SLC1A4: variants seen among roughly 807,000 people sequenced by gnomAD.
SLC1A4 encodes solute carrier family 1 member 4.
In SLC1A4, 19 loss-of-function variants were observed where a neutral mutation model predicts 37.7. The observed-to-expected ratio is 0.50, with a 90% CI of 0.35 to 0.74. The LOEUF is 0.74. Among genes scored for constraint, SLC1A4 ranks in the 30% least tolerant of loss-of-function variants. The pLI is 0.01. For missense variants in SLC1A4, 570 were observed against 712.9 expected (o/e 0.80, Z 2.28); for synonymous variants, 299 against 309.8 (o/e 0.97, Z 0.37).
intron 1 of SLC1A4, among the ~76,000 whole-genome samples, chr2:64,995,891 C>T (rs753922967): frequency 6.6e-6 from 1 of 152,166 alleles, no homozygotes; most frequent in Non-Finnish European, 1.5e-5. Context: ...CAAACAGTAT[C>T]AGATGTTACA....
At chr2:64,994,066 C>G (rs1043985015) in intron 1 of SLC1A4, among the ~76,000 whole-genome samples, 1 of 152,134 alleles carries the variant, frequency 6.6e-6, no homozygotes, top group Admixed American at 6.5e-5. Context: ...GTATTGGGAA[C>G]CACATGGCAT....
rs1047056891 is a variant in SLC1A4 at position 65,018,444 on chromosome 2, G to A, written c.1230-101G>A. ...TAGCCAGCAGAGCCTATGGTGGGGC[G>A]GTTTTTAGTTTCCAGCCACATTGCA... On this transcript the variant is annotated intron_variant, in intron 6 of 7. Coordinates refer to ENST00000234256, the MANE Select transcript of SLC1A4 (RefSeq NM_003038.5). The surrounding 1 kb of genome is among the most constrained non-coding windows in gnomAD (Gnocchi z 4.3). The A allele has an allele frequency of 9.2e-6, 14 of 1,517,256 alleles. No individual in the cohort carries two copies. The highest frequency in any genetic ancestry group is 2.5e-5 in the South Asian group (2 of 80,194). The allele number at this position is 1,517,256 out of a possible 1,614,324, so 94.0% of individuals were successfully genotyped here. A position where few individuals can be genotyped will look rare whatever the true frequency, so the allele number is the denominator to read the frequency against.
At chr2:65,016,035 G>A (rs1674114599) in intron 4 of SLC1A4, among the ~76,000 whole-genome samples, 1 of 152,218 alleles carries the variant, frequency 6.6e-6, no homozygotes, top group South Asian at 2.1e-4. Flanking sequence ...TGAAATAGGT[G>A]TTAGTCTTTT....
intron 7 of SLC1A4, 101 bp from the exon 8 acceptor site, chr2:65,020,811 G>A: frequency 1.1e-6 from 1 of 878,344 alleles, no homozygotes; most frequent in Non-Finnish European, 1.9e-6. Context: ...AAGCAACAGG[G>A]CCCCTCACAA....
At position 64,989,418 on chromosome 2, in the gene SLC1A4, T is replaced by C. The variant is rs1057136987; in HGVS notation, c.-226T>C. On this transcript the variant is annotated 5_prime_UTR_variant, in exon 1 of 8. Coordinates refer to ENST00000234256, the MANE Select transcript of SLC1A4 (RefSeq NM_003038.5). ...TGCATCATCTCCAGCCGGCGGCTGC[T>C]CCAGGGAGGCTGGGCGCGATCCTCT... 3.6e-5 allele frequency: 14 copies of C among 391,558 alleles called. No individual in the cohort carries two copies. The highest frequency in any genetic ancestry group is 1.7e-4 in the African/African-American group (8 of 47,746). 24.3% of individuals were successfully genotyped at this position (391,558 alleles called of 1,614,324 possible).
intron 7 of SLC1A4, among the ~76,000 whole-genome samples, chr2:65,020,549 G>A (rs1674377236): frequency 6.6e-6 from 1 of 152,150 alleles, no homozygotes; most frequent in Non-Finnish European, 1.5e-5. Context: ...TTACAGACAT[G>A]AGCCACTGTG....
Position 65,018,704 on chromosome 2 carries a change from C to T in SLC1A4, c.1364+25C>T. The T allele has an allele frequency of 6.2e-7, 1 of 1,612,360 alleles. No homozygotes were observed. Among genetic ancestry groups the T allele is most frequent in the Non-Finnish European group, 8.5e-7 (1 of 1,179,392 alleles). ...TGTAAGTAACAAGTCCTGAGAACAC[C>T]AAAAAGAGTCTGCACTGAGTTCCCT... On this transcript the variant is annotated intron_variant, in intron 7 of 7. Coordinates refer to ENST00000234256, the MANE Select transcript of SLC1A4 (RefSeq NM_003038.5). The surrounding 1 kb of genome is among the most constrained non-coding windows in gnomAD (Gnocchi z 4.3).
intron 3 of SLC1A4, among the ~76,000 whole-genome samples, chr2:65,007,276 G>GTT (rs1036552295): frequency 1.5e-3 from 134 of 87,902 alleles, no homozygotes; most frequent in African/African-American, 2.3e-3. Flanking sequence ...GTGTTTGTGT[G>GTT]TGTGTGTGTG....
intron 4 of SLC1A4, chr2:65,011,447 T>A (rs1231449046): frequency 6.6e-6 from 1 of 151,038 alleles, no homozygotes; most frequent in Non-Finnish European, 1.5e-5. Flanking sequence ...TTTTTTTTTT[T>A]AGTAGAGACG....
At position 65,018,233 on chromosome 2, in the gene SLC1A4, A is replaced by G. The variant is rs1309959702; in HGVS notation, c.1197A>G (p.Val399=). 3 of 1,614,068 alleles carry G rather than the reference A, an allele frequency of 1.9e-6. No homozygotes were observed. In the African/African-American group the frequency reaches 4.0e-5, roughly 22 times the overall value. ...TGTTCATTGCGCAACTCAACAACGTAGAGCTCAACGCAGGACAGATTTTCA... is the reference window on the plus strand; with the variant it reads ...TGTTCATTGCGCAACTCAACAACGTGGAGCTCAACGCAGGACAGATTTTCA... ...AAVFIAQLNN[V]ELNAGQIFTI... The change falls in exon 6 of 8, where the codon GTA becomes GTG. Residue 399 remains valine (V), a synonymous_variant. Coordinates refer to ENST00000234256, the MANE Select transcript of SLC1A4 (RefSeq NM_003038.5). The surrounding 1 kb of genome is among the most constrained non-coding windows in gnomAD (Gnocchi z 4.3).
chr2:64,998,812 A>C (rs1465193847), intron 1 of SLC1A4, among the ~76,000 whole-genome samples: 1 of 152,228 alleles, frequency 6.6e-6, no homozygotes, highest in Non-Finnish European at 1.5e-5. Context: ...GCTTGTACCA[A>C]TTGAGGAAAC....
At chr2:65,019,929 C>T (rs774681242) in intron 7 of SLC1A4, among the ~76,000 whole-genome samples, 7 of 152,228 alleles carry the variant, frequency 4.6e-5, no homozygotes, top group Admixed American at 6.5e-5. Flanking sequence ...GACAGCAGGA[C>T]GGCACTCTGC....
chr2:65,021,210 T>G lies in SLC1A4; in HGVS notation c.*64T>G, dbSNP rs922329807. ...CCCACCCTGTTCACCCAGCCGCCAG[T>G]CATGGACACAGGGCACTGCCCTTGC... On this transcript the variant is annotated 3_prime_UTR_variant, in exon 8 of 8. Transcript: ENST00000234256. 8.9e-5 allele frequency: 122 copies of G among 1,367,946 alleles called. No homozygotes were observed. Among genetic ancestry groups the G allele is most frequent in the South Asian group, 6.8e-4 (55 of 81,220 alleles). 84.7% of individuals were successfully genotyped at this position (1,367,946 alleles called of 1,614,324 possible).
At chr2:65,010,566 T>C (rs769392645) in intron 3 of SLC1A4, 31 bp from the exon 4 acceptor site, 1 of 1,563,282 alleles carries the variant, frequency 6.4e-7, no homozygotes. Flanking sequence ...TCATCTGTTG[T>C]AAACTTGTTC....
chr2:65,015,047 G>A (rs532884955), intron 4 of SLC1A4, among the ~76,000 whole-genome samples: 1 of 152,278 alleles, frequency 6.6e-6, no homozygotes, highest in Admixed American at 6.5e-5. Context: ...GATGAAGCCC[G>A]AAGACATCAT....
intron 1 of SLC1A4, among the ~76,000 whole-genome samples, chr2:64,997,670 T>C (rs1673307436): frequency 1.3e-5 from 2 of 152,276 alleles, no homozygotes; most frequent in East Asian, 1.9e-4. Flanking sequence ...CCAAGTGGTA[T>C]TCCGTTGTAT....
At position 65,021,067 on chromosome 2, in the gene SLC1A4, C is replaced by T. The variant is rs200617042; in HGVS notation, c.1520C>T (p.Ser507Leu). The T allele has an allele frequency of 7.4e-6, 12 of 1,614,090 alleles. No homozygotes were observed. The highest frequency in any genetic ancestry group is 2.2e-5 in the South Asian group (2 of 91,086). ...AACTGCAAGTCTGAGGAGGAGACAT[C>T]GCCCCTGGTGACACACCAGAACCCC... The part of the protein sequence containing the change: ...IPNCKSEEET[S>L]PLVTHQNPAG... The change falls in exon 8 of 8, where the codon TCG becomes TTG. Residue 507 changes from serine to leucine, a missense_variant. Physicochemically the swap from Ser to Leu is moderately radical, Grantham distance 145. Transcript: ENST00000234256.
upstream of SLC1A4, chr2:64,989,307 G>C (rs1672940859): frequency 5.0e-6 from 1 of 201,060 alleles, no homozygotes; most frequent in African/African-American, 2.3e-5. Flanking sequence ...CACAGGGGGC[G>C]GGACGGCGGG....
upstream of SLC1A4, chr2:64,989,363 C>G (rs1672944924): frequency 3.2e-6 from 1 of 312,638 alleles, no homozygotes; most frequent in East Asian, 5.1e-5. Context: ...TCCTACTTCC[C>G]CGTCTGCGTC....
Sources: gnomAD v4.1 joint callset for allele counts (sites outside exome capture counted in the v4.1 genomes callset) on GRCh38, gnomAD v4.1.1 for gene constraint, Gnocchi (gnomAD v3.1) non-coding constraint, MANE v1.5 for transcripts, NCBI Gene and HGNC (gene_info 2026-07-23, HGNC 2026-07-21) for gene names.